Variants in PCM1 observed in about 807,000 individuals in gnomAD.
PCM1 encodes the protein pericentriolar material 1, also known as pericentriolar material 1 protein.
In PCM1, 157 loss-of-function variants were observed where a neutral mutation model predicts 241.9. The ratio of observed to expected loss-of-function variants is 0.65; its 90% CI spans 0.57 to 0.74. PCM1 has a LOEUF of 0.74. Among genes scored for constraint, PCM1 ranks in the 30% least tolerant of loss-of-function variants. The pLI is 0.00. For missense variants in PCM1, 3,478 were observed against 2,360.1 expected (o/e 1.47, Z -9.81); for synonymous variants, 1,085 against 784.9 (o/e 1.38, Z -6.39).
chr8:17,956,684 C>A lies in PCM1; in HGVS notation c.1553C>A (p.Thr518Lys). The change falls in exon 11 of 39, where the codon ACA becomes AAA. Residue 518 changes from threonine to lysine, a missense_variant. Transcript: ENST00000325083. ...HYYEQTSDMMTDAVNENRKDE... is the reference protein window; with the variant it reads ...HYYEQTSDMMKDAVNENRKDE... ...TATGAACAAACGTCAGACATGATGA[C>A]AGATGCTGTGAATGAAAACAGGAAA... 1 of 1,600,278 alleles carries A rather than the reference C, an allele frequency of 6.2e-7. No homozygotes were observed. The highest frequency in any genetic ancestry group is 8.5e-7 in the Non-Finnish European group (1 of 1,169,744).
intron 6 of PCM1, among the ~76,000 whole-genome samples, chr8:17,940,936 C>G (rs185901653): frequency 9.9e-5 from 15 of 152,168 alleles, no homozygotes; most frequent in Non-Finnish European, 1.9e-4. Context: ...TATATCTCTT[C>G]GGGTTTTGAG....
At chr8:17,993,786 A>G (rs1206201260) in intron 29 of PCM1, among the ~76,000 whole-genome samples, 167 bp downstream of exon 29, 2 of 152,208 alleles carry the variant, frequency 1.3e-5, no homozygotes. Context: ...TTTCAGTAAT[A>G]TTTTATACAC....
chr8:17,935,257 T>G (rs542597216), intron 2 of PCM1, among the ~76,000 whole-genome samples: 72 of 152,370 alleles, frequency 4.7e-4, no homozygotes, highest in African/African-American at 1.7e-3. Flanking sequence ...GTTCTGGGTC[T>G]AGCTGTTTAT....
At chr8:17,943,440 A>G (rs938668535) in intron 6 of PCM1, among the ~76,000 whole-genome samples, 1 of 152,208 alleles carries the variant, frequency 6.6e-6, no homozygotes, top group African/African-American at 2.4e-5. Context: ...ATAGGTAACC[A>G]TTGGAATTTT....
At chr8:17,984,311 C>T (rs2081906196) in intron 24 of PCM1, among the ~76,000 whole-genome samples, 1 of 151,702 alleles carries the variant, frequency 6.6e-6, no homozygotes, top group Admixed American at 6.6e-5. Flanking sequence ...ATTCTTTTTA[C>T]CTGGATTTTT....
chr8:17,973,578 G>T (rs569800374), intron 23 of PCM1, among the ~76,000 whole-genome samples: 1 of 152,160 alleles, frequency 6.6e-6, no homozygotes, highest in South Asian at 2.1e-4. Flanking sequence ...AATTAGCCGG[G>T]CATGGTGGGC....
intron 22 of PCM1, among the ~76,000 whole-genome samples, chr8:17,970,093 T>A (rs1007495308): frequency 6.6e-6 from 1 of 152,160 alleles, no homozygotes; most frequent in Non-Finnish European, 1.5e-5. Flanking sequence ...GATCCCTTTT[T>A]TTGATTCCTA....
At position 17,985,941 on chromosome 8, in the gene PCM1, T is replaced by A. The variant is rs750337498; in HGVS notation, c.4282-18T>A. ...CATGTATGTTTTATATAAATGATGA[T>A]CTTATTTTCTTATTTAGGACATAGT... On this transcript the variant is annotated intron_variant, in intron 25 of 38. Transcript: ENST00000325083. 10 of 1,434,642 alleles carry A rather than the reference T, an allele frequency of 7.0e-6. No individual in the cohort carries two copies. In the East Asian group the frequency reaches 2.3e-4, roughly 34 times the overall value. 88.9% of individuals were successfully genotyped at this position (1,434,642 alleles called of 1,614,324 possible). A position where few individuals can be genotyped will look rare whatever the true frequency, so the allele number is the denominator to read the frequency against.
chr8:17,978,102 G>GA (rs1191113053), intron 23 of PCM1, among the ~76,000 whole-genome samples: 2 of 151,924 alleles, frequency 1.3e-5, no homozygotes, highest in African/African-American at 4.8e-5. Flanking sequence ...TTTAGAGCTA[G>GA]AAAAAAATGA....
intron 29 of PCM1, among the ~76,000 whole-genome samples, chr8:17,995,091 A>T (rs139463352): frequency 1.1e-4 from 17 of 151,484 alleles, no homozygotes; most frequent in Non-Finnish European, 1.9e-4. Flanking sequence ...TCACTCAAGA[A>T]ATTTTTGCCC....
chr8:17,954,515 A>C (rs192554637), intron 9 of PCM1, among the ~76,000 whole-genome samples: 5 of 152,276 alleles, frequency 3.3e-5, no homozygotes, highest in Admixed American at 3.3e-4. Flanking sequence ...TGCATAAAGT[A>C]GCACTCCGTA....
intron 30 of PCM1, 84 bp downstream of exon 30, chr8:18,006,481 C>T (rs1453537122): frequency 7.0e-6 from 6 of 852,620 alleles, no homozygotes; most frequent in Admixed American, 6.1e-5. Flanking sequence ...CATTTTCTTG[C>T]ATTACACAAT....
intron 4 of PCM1, 106 bp from the exon 5 acceptor site, chr8:17,938,634 A>C: frequency 1.4e-6 from 1 of 736,680 alleles, no homozygotes; most frequent in Non-Finnish European, 2.3e-6. Context: ...CTTTGTGTGC[A>C]CCTTCTGAAT....
At position 17,937,272 on chromosome 8, in the gene PCM1, A is replaced by T; in HGVS notation, c.235A>T (p.Thr79Ser). The T allele has an allele frequency of 6.2e-7, 1 of 1,611,076 alleles. No homozygotes were observed. Among genetic ancestry groups the T allele is most frequent in the Non-Finnish European group, 8.5e-7 (1 of 1,178,016 alleles). Residue 79 changes from threonine (T) to serine (S), a missense_variant, in exon 4 of 39, where the codon ACT becomes TCT. Physicochemically the swap from Thr to Ser is moderately conservative, Grantham distance 58. Coordinates refer to ENST00000325083, the MANE Select transcript of PCM1 (RefSeq NM_006197.4). ...AGGAGTTGGAAGGCGAAGAACAAAG[A>T]CTCCACATACGTTCCCACACAGTAG... is the stretch of plus-strand genomic sequence containing the variant. ...SPGVGRRRTKTPHTFPHSRYM... is the reference protein window; with the variant it reads ...SPGVGRRRTKSPHTFPHSRYM...
At chr8:17,980,778 T>C in intron 24 of PCM1, 23 bp downstream of exon 24, 1 of 1,566,654 alleles carries the variant, frequency 6.4e-7, no homozygotes, top group Non-Finnish European at 8.7e-7. Context: ...TTGGTTTGCA[T>C]TAATATAAGG....
At chr8:17,932,818 T>A (rs1317420699) in intron 2 of PCM1, among the ~76,000 whole-genome samples, 3 of 152,232 alleles carry the variant, frequency 2.0e-5, no homozygotes, top group Non-Finnish European at 4.4e-5. Context: ...AAATTCTGTT[T>A]TAATCTTTGA....
intron 6 of PCM1, among the ~76,000 whole-genome samples, chr8:17,943,258 T>C (rs2062766382): frequency 1.3e-5 from 2 of 151,978 alleles, no homozygotes; most frequent in South Asian, 4.1e-4. Flanking sequence ...AGTTTTTTTA[T>C]TTTTTCTGGT....
chr8:17,998,806 T>C (rs1053903988), intron 29 of PCM1, among the ~76,000 whole-genome samples: 1 of 152,072 alleles, frequency 6.6e-6, no homozygotes, highest in Non-Finnish European at 1.5e-5. Context: ...CCACAGATAC[T>C]GTCCTTGAGC....
chr8:17,984,192 C>G (rs2129476415), intron 24 of PCM1, among the ~76,000 whole-genome samples: 1 of 152,076 alleles, frequency 6.6e-6, no homozygotes, highest in Non-Finnish European at 1.5e-5. Context: ...TTATCACATA[C>G]AGAGGTATTA....
Sources: gnomAD v4.1 joint callset for allele counts (sites outside exome capture counted in the v4.1 genomes callset) on GRCh38, gnomAD v4.1.1 for gene constraint, MANE v1.5 for transcripts, NCBI Gene and HGNC (gene_info 2026-07-23, HGNC 2026-07-21) for gene names.